MTERF4: variants seen among roughly 807,000 people sequenced by gnomAD.
The protein encoded by MTERF4 is transcription termination factor 4, mitochondrial.
In MTERF4, 17 loss-of-function variants were observed where a neutral mutation model predicts 22.5. The ratio of observed to expected loss-of-function variants is 0.75; its 90% CI spans 0.52 to 1.13. The LOEUF (loss-of-function observed/expected upper bound fraction) is 1.13. Among genes scored for constraint, MTERF4 ranks in the 50% most tolerant of loss-of-function variants. The probability of loss-of-function intolerance (pLI) is 0.00; values close to 1 mark genes in which losing one functional copy is unlikely to be tolerated. For missense variants in MTERF4, 420 were observed against 466.8 expected (o/e 0.90, Z 0.92); for synonymous variants, 165 against 175.3 (o/e 0.94, Z 0.47).
intron 4 of MTERF4, among the ~76,000 whole-genome samples, chr2:241,081,395 C>G (rs2063321052): frequency 6.6e-6 from 1 of 152,172 alleles, no homozygotes; most frequent in Non-Finnish European, 1.5e-5. Flanking sequence ...CCCTCTCCCT[C>G]CTCCTTCTCC....
At chr2:241,053,055 C>T in the MTERF4 span, 1 of 1,180,602 alleles carries the variant, frequency 8.5e-7, no homozygotes, top group Non-Finnish European at 1.2e-6. Flanking sequence ...GGGAGCAGGA[C>T]ATCCCTGGGC....
At chr2:241,049,028 C>T in the MTERF4 span, 1 of 1,611,736 alleles carries the variant, frequency 6.2e-7, no homozygotes, top group African/African-American at 1.3e-5. Context: ...CTAGAAATCA[C>T]AGCCATGCCC....
At chr2:241,058,202 G>A in the MTERF4 span, among the ~76,000 whole-genome samples, 1 of 152,106 alleles carries the variant, frequency 6.6e-6, no homozygotes, top group Non-Finnish European at 1.5e-5. Context: ...ATGAGAGGGT[G>A]TCTCTCAATG....
chr2:241,072,095 G>A (rs569187218), downstream of MTERF4: 292 of 700,228 alleles, frequency 4.2e-4, 1 homozygote, highest in Admixed American at 7.0e-4. Context: ...AGGGCCTCAC[G>A]TCAGTGTGTG....
At chr2:241,090,976 C>CCTAA (rs1193581842), downstream of MTERF4, among the ~76,000 whole-genome samples, 1 of 152,040 alleles carries the variant, frequency 6.6e-6, no homozygotes, top group Non-Finnish European at 1.5e-5. Context: ...TCGTGCAGTG[C>CCTAA]CTAACTGTAC....
chr2:241,064,062 A>AGCG, the MTERF4 span: 2 of 1,568,404 alleles, frequency 1.3e-6, no homozygotes, highest in Non-Finnish European at 1.7e-6. This position sits in a 1 kb window ranked among gnomAD's most constrained non-coding sequence, Gnocchi z 7.0. Flanking sequence ...CCGGTGTGAG[A>AGCG]GCGGCGGCGG....
chr2:241,069,479 C>T (rs950978247), downstream of MTERF4, among the ~76,000 whole-genome samples: 2 of 152,168 alleles, frequency 1.3e-5, no homozygotes, highest in Non-Finnish European at 2.9e-5. The surrounding 1 kb of genome is among the most constrained non-coding windows in gnomAD (Gnocchi z 4.9). Context: ...GTGAACTGGG[C>T]AGAGGGGAGG....
At chr2:241,083,651 C>T (rs755873401), downstream of MTERF4, among the ~76,000 whole-genome samples, 3 of 152,138 alleles carry the variant, frequency 2.0e-5, no homozygotes, top group African/African-American at 7.2e-5. Context: ...GCCATCTTCC[C>T]GCTGTGCTTA....
chr2:241,102,225 G>A (rs887421529), intron 1 of MTERF4, 28 bp downstream of exon 1: 33 of 1,548,494 alleles, frequency 2.1e-5, no homozygotes, highest in South Asian at 1.2e-5. Flanking sequence ...GCGACCCGGA[G>A]AAGCCCGCGC....
intron 2 of MTERF4, 156 bp downstream of exon 2, chr2:241,099,240 A>T: frequency 1.3e-6 from 1 of 785,964 alleles, no homozygotes; most frequent in Non-Finnish European, 2.0e-6. Flanking sequence ...AAGCCCAGCT[A>T]ATTTTTCTAT....
At chr2:241,066,863 C>T in the MTERF4 span, among the ~76,000 whole-genome samples, 1 of 152,196 alleles carries the variant, frequency 6.6e-6, no homozygotes, top group Non-Finnish European at 1.5e-5. Flanking sequence ...CTTGAGCCCA[C>T]CCAGAGGCCC....
downstream of MTERF4, chr2:241,087,535 A>C (rs1218315615): frequency 2.9e-5 from 45 of 1,541,760 alleles, no homozygotes; most frequent in Non-Finnish European, 2.7e-5. Context: ...GTGATGGGGC[A>C]AGGGCGGGGT....
chr2:241,048,796 G>C, the MTERF4 span: 1 of 1,534,166 alleles, frequency 6.5e-7, no homozygotes, highest in Non-Finnish European at 8.9e-7. Context: ...TTCCTGCCCT[G>C]TCCCTGAGCA....
chr2:241,067,508 C>T (rs2062507078), downstream of MTERF4, among the ~76,000 whole-genome samples: 1 of 152,248 alleles, frequency 6.6e-6, no homozygotes, highest in South Asian at 2.1e-4. Flanking sequence ...AAGACCCCTG[C>T]CTCTGGTAAG....
chr2:241,059,342 CT>C, the MTERF4 span, among the ~76,000 whole-genome samples: 4 of 152,238 alleles, frequency 2.6e-5, no homozygotes, highest in Non-Finnish European at 5.9e-5. Flanking sequence ...TGTACAACCT[CT>C]TTTAGAAAGA....
At chr2:241,097,169 C>G (rs2064476858) in intron 3 of MTERF4, 74 bp downstream of exon 3, 6 of 1,552,882 alleles carry the variant, frequency 3.9e-6, no homozygotes, top group Non-Finnish European at 4.4e-6. Flanking sequence ...TCATTCTCAC[C>G]TGAAACTACG....
At chr2:241,072,134 A>G (rs2062760584), downstream of MTERF4, 1 of 692,744 alleles carries the variant, frequency 1.4e-6, no homozygotes, top group South Asian at 1.5e-5. Flanking sequence ...CTGGTAGGGC[A>G]CGCAAGAGAA....
chr2:241,086,615 G>A (rs1463314240), downstream of MTERF4, among the ~76,000 whole-genome samples: 51 of 152,166 alleles, frequency 3.4e-4, no homozygotes, highest in Admixed American at 2.6e-3. Flanking sequence ...TTCTCTGGTT[G>A]TTCACATTGG....
At chr2:241,090,073 TGTAA>T, downstream of MTERF4, 1 of 1,517,380 alleles carries the variant, frequency 6.6e-7, no homozygotes, top group Non-Finnish European at 8.8e-7. Context: ...CTTAGCTTAC[TGTAA>T]CTTTTTTACT....
Sources: gnomAD v4.1 joint callset for allele counts (sites outside exome capture counted in the v4.1 genomes callset) on GRCh38, gnomAD v4.1.1 for gene constraint, Gnocchi (gnomAD v3.1) non-coding constraint, MANE v1.5 for transcripts, NCBI Gene and HGNC (gene_info 2026-07-23, HGNC 2026-07-21) for gene names.